The following ANKRD36B variants were observed in gnomAD, a reference collection of about 807,000 sequenced individuals.
ANKRD36B encodes ankyrin repeat domain-containing protein 36B.
In ANKRD36B, 37 loss-of-function variants were observed where a neutral mutation model predicts 135.7. The observed-to-expected ratio is 0.27, with a 90% confidence interval of 0.21 to 0.36. The LOEUF (loss-of-function observed/expected upper bound fraction) is 0.36. ANKRD36B is among the 10% of genes least tolerant of loss of function. ANKRD36B has a pLI of 1.00. For missense variants in ANKRD36B, 549 were observed against 1,037.1 expected, an observed-to-expected ratio of 0.53 and a Z score of 6.46; for synonymous variants, 179 against 348.1, an observed-to-expected ratio of 0.51 and a Z score of 5.41.
At position 97,523,434 on chromosome 2, in the gene ANKRD36B, C is replaced by T; in HGVS notation, c.2299G>A (p.Asp767Asn). 2.7e-6 allele frequency: 2 copies of T among 750,086 alleles called. 1 individual carries two copies. The allele number at this position is 750,086 out of a possible 1,614,324, so 46.5% of individuals were successfully genotyped here. Residue 767 changes from aspartate to asparagine, a missense_variant, in exon 36 of 44, where the codon GAT becomes AAT. By Grantham distance (23) the Asp-to-Asn change is conservative (BLOSUM62 1). Transcript: ENST00000359901. ...KNQIHSRDDLDDIIQSSQTVS... is the reference protein window; with the variant it reads ...KNQIHSRDDLNDIIQSSQTVS... Reference sequence around the variant, plus strand: ...GTTTGAGATGACTGAATTATGTCATCAAGGTCATCCCTAGAATGTATTTGG... The same window carrying T: ...GTTTGAGATGACTGAATTATGTCATTAAGGTCATCCCTAGAATGTATTTGG...
At chr2:97,560,320 T>A (rs1267735792) in intron 8 of ANKRD36B, among the ~76,000 whole-genome samples, 1 of 151,930 alleles carries the variant, frequency 6.6e-6, no homozygotes, top group African/African-American at 2.4e-5. Flanking sequence ...ATATGATGCC[T>A]ATAATATCTA....
At chr2:97,568,590 A>C (rs533083850) in intron 6 of ANKRD36B, among the ~76,000 whole-genome samples, 12 of 152,266 alleles carry the variant, frequency 7.9e-5, no homozygotes, top group Non-Finnish European at 1.2e-4. Flanking sequence ...AAAAAACACA[A>C]ACAGAGAAAA....
intron 22 of ANKRD36B, among the ~76,000 whole-genome samples, 156 bp from the exon 23 acceptor site, chr2:97,546,017 A>C (rs896889288): frequency 6.6e-6 from 1 of 151,352 alleles, no homozygotes; most frequent in Admixed American, 6.6e-5. Flanking sequence ...AACATGACAG[A>C]AATACACTGA....
At chr2:97,567,250 T>C (rs1181246685) in intron 6 of ANKRD36B, among the ~76,000 whole-genome samples, 1 of 149,866 alleles carries the variant, frequency 6.7e-6, no homozygotes, top group East Asian at 2.0e-4. Flanking sequence ...CCTTCATGTA[T>C]TGGAGAGCAT....
rs1489674744 is a variant in ANKRD36B, at chr2:97,532,782, C to T, written c.2192-398G>A. 2.2e-5 allele frequency among the ~76,000 whole-genome samples: 2 copies of T among 91,932 alleles called. 1 individual carries two copies. The highest frequency in any genetic ancestry group is 5.7e-5 in the Non-Finnish European group (2 of 34,944). 60.3% of individuals were successfully genotyped at this position (91,932 alleles called of 152,430 possible). A position where few individuals can be genotyped will look rare whatever the true frequency, so the allele number is the denominator to read the frequency against. ...AAACCAGAAAATAAAAGTGTTTCAA[C>T]GAAGCTTAATCTTTAGTATAATATG... On this transcript the variant is annotated intron_variant, in intron 34 of 43. Coordinates refer to ENST00000359901, the MANE Select transcript of ANKRD36B (RefSeq NM_001393939.1).
Position 97,558,719 on chromosome 2 carries a change from C to A in ANKRD36B, c.967+80G>T, listed in dbSNP as rs148674611. The A allele has an allele frequency of 2.2e-3, 3,434 of 1,588,588 alleles. 80 individuals are homozygous for A. The African/African-American group carries it at 0.041, about 19-fold the overall frequency. On this transcript the variant is annotated intron_variant, in intron 10 of 43. Coordinates refer to ENST00000359901, the MANE Select transcript of ANKRD36B (RefSeq NM_001393939.1). Reference sequence around the variant, plus strand: ...ATCAGAATGTGCAGCTTCAATGAATCCCCCGCTGATTTATTCGGGGAAGAG... The same window carrying A: ...ATCAGAATGTGCAGCTTCAATGAATACCCCGCTGATTTATTCGGGGAAGAG...
At chr2:97,546,448 T>C (rs2079473962) in intron 22 of ANKRD36B, among the ~76,000 whole-genome samples, 1 of 151,698 alleles carries the variant, frequency 6.6e-6, no homozygotes, top group Non-Finnish European at 1.5e-5. Flanking sequence ...CACACGCACG[T>C]GGTGCAATAA....
chr2:97,545,735 T>C lies in ANKRD36B; in HGVS notation c.1612A>G (p.Thr538Ala), dbSNP rs568713657. Reference sequence around the variant, plus strand: ...GGAACAGAATCTTCCTTGTCACTTGTAGCCTGAATGGAATTTGAAACAGAA... The same window carrying C: ...GGAACAGAATCTTCCTTGTCACTTGCAGCCTGAATGGAATTTGAAACAGAA... Reference protein sequence around the residue: ...SSHKQPSLKATSDKEDSVPNM... With the variant: ...SSHKQPSLKAASDKEDSVPNM... Residue 538 changes from threonine (T) to alanine (A), a missense_variant, in exon 24 of 44, where the codon ACA becomes GCA. Coordinates refer to ENST00000359901, the MANE Select transcript of ANKRD36B (RefSeq NM_001393939.1). 7.2e-4 allele frequency: 697 copies of C among 961,468 alleles called. 131 individuals carry two copies. In the South Asian group the frequency reaches 7.8e-3, roughly 11 times the overall value. The allele number at this position is 961,468 out of a possible 1,614,324, so 59.6% of individuals were successfully genotyped here.
chr2:97,561,820 T>A (rs2081049309), intron 6 of ANKRD36B, among the ~76,000 whole-genome samples: 1 of 151,962 alleles, frequency 6.6e-6, no homozygotes, highest in African/African-American at 2.4e-5. Flanking sequence ...CACATTTATC[T>A]CATTTGAATA....
chr2:97,563,106 C>CAAT (rs1559201471), intron 6 of ANKRD36B, among the ~76,000 whole-genome samples: 1 of 151,934 alleles, frequency 6.6e-6, no homozygotes, highest in African/African-American at 2.4e-5. Context: ...CCCATAGCAC[C>CAAT]ACTATGTTTA....
rs2079060275 is a variant in ANKRD36B, at chr2:97,539,860, C to T, written c.1987+174G>A. ...GTCTATAATCTTACTTCGAAGATCA[C>T]GTCCAAGACCAGCAGCATCAGCGTC... On this transcript the variant is annotated intron_variant, in intron 30 of 43. Transcript: ENST00000359901. 4.1e-5 allele frequency: 13 copies of T among 319,458 alleles called. 2 individuals carry two copies. Among genetic ancestry groups the T allele is most frequent in the South Asian group, 3.2e-4 (13 of 40,426 alleles). The allele number at this position is 319,458 out of a possible 1,614,324, so 19.8% of individuals were successfully genotyped here. A position where few individuals can be genotyped will look rare whatever the true frequency, so the allele number is the denominator to read the frequency against.
rs1470678405 is a variant in ANKRD36B, at chr2:97,585,344, C to A, written c.216G>T (p.Leu72=). The change falls in exon 2 of 44, where the codon CTG becomes CTT. Residue 72 remains leucine (L), a synonymous_variant. Coordinates refer to ENST00000359901, the MANE Select transcript of ANKRD36B (RefSeq NM_001393939.1). ...GGTTAAGCTCACATCTTCTGGACAC[C>A]AGGAGATGTACCATTTCCGGTTGGC... ...ATGQPEMVHL[L]VSRRCELNLC... The A allele has an allele frequency of 1.9e-6, 3 of 1,571,534 alleles. No homozygotes were observed. The highest frequency in any genetic ancestry group is 8.6e-7 in the Non-Finnish European group (1 of 1,156,706).
intron 35 of ANKRD36B, among the ~76,000 whole-genome samples, chr2:97,531,071 A>T (rs1344837734): frequency 1.1e-5 from 1 of 92,106 alleles, no homozygotes; most frequent in African/African-American, 3.2e-5. Context: ...TACCCAAAGG[A>T]CTATAAATCA....
rs1457692746 is a variant in ANKRD36B, at chr2:97,541,448, A to G, written c.1885+463T>C. On this transcript the variant is annotated intron_variant, in intron 28 of 43. Transcript: ENST00000359901. ...TCTTTTCTCTCCTTCCTGCCTCACA[A>G]TCCCTCTTCCTTGTGGAAAATAATT... Among the ~76,000 whole-genome samples the G allele has an allele frequency of 4.2e-5, 4 of 96,158 alleles. 1 individual carries two copies. The highest frequency in any genetic ancestry group is 1.2e-4 in the African/African-American group (4 of 32,242). The allele number at this position is 96,158 out of a possible 152,430, so 63.1% of individuals were successfully genotyped here. A position where few individuals can be genotyped will look rare whatever the true frequency, so the allele number is the denominator to read the frequency against.
intron 6 of ANKRD36B, among the ~76,000 whole-genome samples, chr2:97,571,216 C>G (rs1177426393): frequency 2.0e-5 from 3 of 152,194 alleles, no homozygotes; most frequent in Non-Finnish European, 4.4e-5. Flanking sequence ...CAATGACACG[C>G]ACCTGTAGTC....
intron 1 of ANKRD36B, among the ~76,000 whole-genome samples, chr2:97,587,070 G>C (rs1488319865): frequency 6.6e-6 from 1 of 152,162 alleles, no homozygotes; most frequent in African/African-American, 2.4e-5. Flanking sequence ...AGCTACTCAG[G>C]AGGCTGAGGT....
chr2:97,573,577 C>G (rs1309794378), intron 6 of ANKRD36B, among the ~76,000 whole-genome samples: 1 of 152,128 alleles, frequency 6.6e-6, no homozygotes, highest in African/African-American at 2.4e-5. Context: ...GCCCACATCA[C>G]CAAGTCAATC....
intron 43 of ANKRD36B, among the ~76,000 whole-genome samples, chr2:97,496,146 G>A (rs1159775836): frequency 2.9e-5 from 3 of 104,176 alleles, no homozygotes; most frequent in Non-Finnish European, 5.5e-5. Context: ...TATTATTGCT[G>A]ATGTGAAGAC....
chr2:97,553,109 T>C, intron 16 of ANKRD36B, 59 bp downstream of exon 16: 4 of 1,569,260 alleles, frequency 2.5e-6, no homozygotes, highest in Non-Finnish European at 3.5e-6. Context: ...TTATTAGGGG[T>C]AGAGAAGTTC....
Sources: gnomAD v4.1 joint callset for allele counts (sites outside exome capture counted in the v4.1 genomes callset) on GRCh38, gnomAD v4.1.1 for gene constraint, MANE v1.5 for transcripts, NCBI Gene and HGNC (gene_info 2026-07-23, HGNC 2026-07-21) for gene names.